Variants in LRP3 observed in about 807,000 individuals in gnomAD.
LRP3 encodes the protein LDL receptor related protein 3.
LRP3 carries 49 observed loss-of-function variants against 58.5 expected under a neutral mutation model. The ratio of observed to expected loss-of-function variants is 0.84; its 90% confidence interval spans 0.67 to 1.06. LRP3 has a LOEUF of 1.06. LRP3 is among the 50% of genes least tolerant of loss of function. The probability of loss-of-function intolerance (pLI) is 0.00; values close to 1 mark genes in which losing one functional copy is unlikely to be tolerated. For missense variants in LRP3, 1,019 were observed against 1,134.2 expected (o/e 0.90, Z 1.46); for synonymous variants, 485 against 492.2 (o/e 0.99, Z 0.20).
chr19:33,194,413 G>T lies in LRP3; in HGVS notation c.-373G>T, dbSNP rs1436544604. Reference sequence around the variant, plus strand: ...GGGCGGCCCGGGGACGCCGGGGCCGGGCGGGCTGCGCGCCGCGGGGCATGG... The same window carrying T: ...GGGCGGCCCGGGGACGCCGGGGCCGTGCGGGCTGCGCGCCGCGGGGCATGG... On this transcript the variant is annotated 5_prime_UTR_variant, in exon 1 of 7. Transcript: ENST00000253193. 6.9e-6 allele frequency among the ~76,000 whole-genome samples: 1 copy of T among 145,062 alleles called. No individual in the cohort carries two copies. The highest frequency in any genetic ancestry group is 2.0e-4 in the East Asian group (1 of 4,940).
chr19:33,202,312 C>G (rs888053575), intron 2 of LRP3, among the ~76,000 whole-genome samples: 1 of 152,254 alleles, frequency 6.6e-6, no homozygotes, highest in Non-Finnish European at 1.5e-5. Context: ...CTCCCACCCC[C>G]AGCCTATGAG....
chr19:33,205,968 G>A lies in LRP3; in HGVS notation c.1198G>A (p.Gly400Ser). 1.9e-6 allele frequency: 3 copies of A among 1,582,848 alleles called. No homozygotes were observed. Among genetic ancestry groups the A allele is most frequent in the Non-Finnish European group, 2.6e-6 (3 of 1,164,420 alleles). ...GCFSEPQRCD[G>S]WWHCASGRDE... The stretch of plus-strand genomic sequence containing the variant: ...CTTCTCAGAGCCACAGCGCTGTGAT[G>A]GCTGGTGGCATTGTGCCAGCGGCCG... Residue 400 changes from glycine (G) to serine (S), a missense_variant, in exon 5 of 7, where the codon GGC becomes AGC. Physicochemically the swap from Gly to Ser is moderately conservative, Grantham distance 56 (BLOSUM62 0). Transcript: ENST00000253193.
intron 3 of LRP3, among the ~76,000 whole-genome samples, chr19:33,203,404 CAT>C (rs1039169489): frequency 1.7e-4 from 26 of 152,242 alleles, no homozygotes; most frequent in African/African-American, 5.5e-4. Context: ...ATAAAGGACA[CAT>C]GTGAGAGACT....
In LRP3 at chr19:33,207,587, G is replaced by A. The variant is rs771223426; in HGVS notation, c.*12G>A. On this transcript the variant is annotated 3_prime_UTR_variant, in exon 7 of 7. Transcript: ENST00000253193. ...TGTTGGTCTGTTGACCGCTGGGCTCGCTGGTGACCGCCACAGCCCCGCTTT... is the reference window on the plus strand; with the variant it reads ...TGTTGGTCTGTTGACCGCTGGGCTCACTGGTGACCGCCACAGCCCCGCTTT... The A allele has an allele frequency of 7.7e-6, 12 of 1,565,068 alleles. No individual in the cohort carries two copies. Among genetic ancestry groups the A allele is most frequent in the African/African-American group, 4.0e-5 (3 of 74,316 alleles).
chr19:33,206,924 C>T (rs1163002564), intron 6 of LRP3, 64 bp from the exon 7 acceptor site: 7 of 1,283,874 alleles, frequency 5.5e-6, no homozygotes, highest in Middle Eastern at 2.8e-4. Flanking sequence ...TGTCTCCTGC[C>T]CCTGAGCAGC....
rs1250083841 is a variant in LRP3 at position 33,207,317 on chromosome 19, C to G, written c.2055C>G (p.Pro685=). The change falls in exon 7 of 7, where the codon CCC becomes CCG. Residue 685 remains proline, a synonymous_variant. Transcript: ENST00000253193. ...TGGGACCTTCAGGGCCACCCTTGCC[C>G]TCGGGCCTGCGAGACCCAGAGTGCA... The part of the protein sequence containing the change: ...PEVGPSGPPL[P]SGLRDPECRP... 6.4e-7 allele frequency: 1 copy of G among 1,572,248 alleles called. No individual in the cohort carries two copies. Among genetic ancestry groups the G allele is most frequent in the Non-Finnish European group, 8.6e-7 (1 of 1,166,524 alleles).
chr19:33,203,479 G>A (rs1352458593), intron 3 of LRP3, among the ~76,000 whole-genome samples: 2 of 152,214 alleles, frequency 1.3e-5, no homozygotes, highest in African/African-American at 4.8e-5. Flanking sequence ...GCGTGTATGT[G>A]CGCATGCATG....
intron 2 of LRP3, among the ~76,000 whole-genome samples, chr19:33,199,009 C>T (rs1974313692): frequency 6.6e-6 from 1 of 152,174 alleles, no homozygotes; most frequent in South Asian, 2.1e-4. Context: ...CTGGTCATTC[C>T]TTCCCTACTT....
intron 5 of LRP3, 108 bp downstream of exon 5, chr19:33,206,470 C>T: frequency 2.5e-6 from 4 of 1,593,366 alleles, no homozygotes; most frequent in Non-Finnish European, 3.4e-6. Flanking sequence ...TACATGGAGG[C>T]TGCCCTGGTG....
At chr19:33,199,016 A>G (rs1974313776) in intron 2 of LRP3, among the ~76,000 whole-genome samples, 1 of 152,008 alleles carries the variant, frequency 6.6e-6, no homozygotes. Context: ...TTCCTTCCCT[A>G]CTTGTGTGGG....
At position 33,202,830 on chromosome 19, in the gene LRP3, G is replaced by T; in HGVS notation, c.122-18G>T. 6.3e-7 allele frequency: 1 copy of T among 1,595,214 alleles called. No individual in the cohort carries two copies. Among genetic ancestry groups the T allele is most frequent in the African/African-American group, 1.3e-5 (1 of 74,704 alleles). On this transcript the variant is annotated intron_variant, in intron 2 of 6. Coordinates refer to ENST00000253193, the MANE Select transcript of LRP3 (RefSeq NM_002333.4). ...AACCAAAGATGGGCCGGCCTTTCTC[G>T]GCCTCCTCTCCCGACAGCGGCCTGC...
Position 33,207,809 on chromosome 19 carries a change from AC to A in LRP3, c.*237del, listed in dbSNP as rs1974445157. ...CTGCAGGGTCCCATTGTACACAAGC[AC>A]CCTGGGGTCTCACTTCTCTCCCCCC... On this transcript the variant is annotated 3_prime_UTR_variant, in exon 7 of 7. Transcript: ENST00000253193. 1 of 552,566 alleles carries A rather than the reference AC, an allele frequency of 1.8e-6. No individual in the cohort carries two copies. Among genetic ancestry groups the A allele is most frequent in the Non-Finnish European group, 3.2e-6 (1 of 313,810 alleles). 34.2% of individuals were successfully genotyped at this position (552,566 alleles called of 1,614,324 possible).
rs1974355583 is a variant in LRP3 at position 33,202,876 on chromosome 19, C to T, written c.150C>T (p.His50=). 4 of 1,610,874 alleles carry T rather than the reference C, an allele frequency of 2.5e-6. No individual in the cohort carries two copies. Among genetic ancestry groups the T allele is most frequent in the East Asian group, 2.2e-5 (1 of 44,798 alleles). Residue 50 remains histidine, a synonymous_variant, in exon 3 of 7, where the codon CAC becomes CAT. Coordinates refer to ENST00000253193, the MANE Select transcript of LRP3 (RefSeq NM_002333.4). ...LAACSGKLEQ[H]TERRGVIYSP... is the part of the protein sequence containing the mutation. ...CCTGCAGTGGGAAGCTGGAGCAGCA[C>T]ACGGAGCGGCGTGGGGTCATCTACA...
At chr19:33,195,032 AGGGCGACTCTGGTGGCGC>A (rs1264384659) in intron 1 of LRP3, among the ~76,000 whole-genome samples, 174 bp downstream of exon 1, 1 of 151,706 alleles carries the variant, frequency 6.6e-6, no homozygotes, top group East Asian at 1.9e-4. Context: ...CGGGCCTGGG[AGGGCGACTCTGGTGGCGC>A]AGCCCCGGCT....
chr19:33,202,375 C>T (rs1974350131), intron 2 of LRP3, among the ~76,000 whole-genome samples: 1 of 152,218 alleles, frequency 6.6e-6, no homozygotes, highest in African/African-American at 2.4e-5. Flanking sequence ...ACCATGCATG[C>T]TTGGCATGTA....
chr19:33,202,394 T>A (rs1444390277), intron 2 of LRP3, among the ~76,000 whole-genome samples: 1 of 152,214 alleles, frequency 6.6e-6, no homozygotes, highest in Non-Finnish European at 1.5e-5. Flanking sequence ...TAGTAGGTGC[T>A]CAGTAAATAC....
Position 33,202,843 on chromosome 19 carries a change from G to T in LRP3, c.122-5G>T. ...CCGGCCTTTCTCGGCCTCCTCTCCC[G>T]ACAGCGGCCTGCAGTGGGAAGCTGG... On this transcript the variant is annotated splice_polypyrimidine_tract_variant and splice_region_variant and intron_variant, in intron 2 of 6. Transcript: ENST00000253193. 6.2e-7 allele frequency: 1 copy of T among 1,605,698 alleles called. No individual in the cohort carries two copies. The highest frequency in any genetic ancestry group is 8.5e-7 in the Non-Finnish European group (1 of 1,175,956).
intron 2 of LRP3, among the ~76,000 whole-genome samples, chr19:33,201,855 A>G (rs1974344644): frequency 1.3e-5 from 2 of 152,084 alleles, no homozygotes; most frequent in Admixed American, 6.6e-5. Flanking sequence ...ACTGCCCTGG[A>G]TGGTTTAGAA....
chr19:33,200,972 C>G (rs936827056), intron 2 of LRP3, among the ~76,000 whole-genome samples: 2 of 152,330 alleles, frequency 1.3e-5, no homozygotes, highest in East Asian at 1.9e-4. Context: ...GTCACAGTCC[C>G]GACTCACCTG....
Sources: allele counts gnomAD v4.1 joint callset (sites outside exome capture counted in the v4.1 genomes callset), GRCh38; gene constraint gnomAD v4.1.1; transcripts MANE v1.5; gene names NCBI Gene and HGNC (gene_info 2026-07-23, HGNC 2026-07-21).